FERMT3: variants seen among roughly 807,000 people sequenced by gnomAD.
FERMT3 encodes the protein FERM domain containing kindlin 3, also known as fermitin family homolog 3.
FERMT3 carries 33 observed loss-of-function variants against 80.8 expected under a neutral mutation model. The observed-to-expected ratio is 0.41, with a 90% CI of 0.31 to 0.55. FERMT3 has a LOEUF of 0.55. Ranked by LOEUF, FERMT3 falls within the 20% of genes least tolerant of loss-of-function variation. The probability of loss-of-function intolerance (pLI) is 0.31; values close to 1 mark genes in which losing one functional copy is unlikely to be tolerated. For missense variants in FERMT3, 754 were observed against 908.7 expected (o/e 0.83, Z 2.19); for synonymous variants, 375 against 372.2 (o/e 1.01, Z -0.09).
rs199626623 is a variant in FERMT3, at chr11:64,219,850, G to C, written c.1080-41G>C. ...GGGGTTGGTCTGCATATGGAGGGAG[G>C]GGGTGAGGCGGCCTTTCACAAACCC... On this transcript the variant is annotated intron_variant, in intron 9 of 14. Transcript: ENST00000345728. The surrounding 1 kb of genome is among the most constrained non-coding windows in gnomAD (Gnocchi z 4.0). The C allele has an allele frequency of 1.5e-3, 2,378 of 1,613,852 alleles. 3 individuals are homozygous for C. The highest frequency in any genetic ancestry group is 2.0e-3 in the South Asian group (185 of 91,084).
rs769161225 is a variant in FERMT3, at chr11:64,223,848, T to A, written c.*356T>A. 5 of 1,457,102 alleles carry A rather than the reference T, an allele frequency of 3.4e-6. No individual in the cohort carries two copies. Among genetic ancestry groups the A allele is most frequent in the Non-Finnish European group, 4.7e-6 (5 of 1,074,850 alleles). 90.3% of individuals were successfully genotyped at this position (1,457,102 alleles called of 1,614,324 possible). A position where few individuals can be genotyped will look rare whatever the true frequency, so the allele number is the denominator to read the frequency against. On this transcript the variant is annotated 3_prime_UTR_variant, in exon 15 of 15. Coordinates refer to ENST00000345728, the MANE Select transcript of FERMT3 (RefSeq NM_031471.6). ...AAACGAGTTCTTTCTTGTTACTTTTTAAAATTTCTTTTTTATAAATTAATA... is the reference window on the plus strand; with the variant it reads ...AAACGAGTTCTTTCTTGTTACTTTTAAAAATTTCTTTTTTATAAATTAATA...
intron 2 of FERMT3, among the ~76,000 whole-genome samples, chr11:64,208,177 T>G (rs1358592642): frequency 6.6e-6 from 1 of 152,054 alleles, no homozygotes; most frequent in Non-Finnish European, 1.5e-5. Context: ...GTGGGGAGGC[T>G]TCCTCAGACC....
At position 64,211,416 on chromosome 11, in the gene FERMT3, T is replaced by C; in HGVS notation, c.656T>C (p.Leu219Pro). Residue 219 changes from leucine to proline, a missense_variant, in exon 5 of 15, where the codon CTG (leucine) becomes CCG (proline). By Grantham distance (98) the Leu-to-Pro change is moderately conservative. Coordinates refer to ENST00000345728, the MANE Select transcript of FERMT3 (RefSeq NM_031471.6). This position sits in a 1 kb window ranked among gnomAD's most constrained non-coding sequence, Gnocchi z 4.7. ...CAGCGTCTGCCACGGCCCAGCTCCC[T>C]GTCAGACAAGACCCAGCTCCACAGC... ...LLQRLPRPSS[L>P]SDKTQLHSRW... The C allele has an allele frequency of 6.2e-7, 1 of 1,600,280 alleles. No homozygotes were observed. The highest frequency in any genetic ancestry group is 8.5e-7 in the Non-Finnish European group (1 of 1,175,360).
rs1946784373 is a variant in FERMT3 at position 64,223,802 on chromosome 11, A to G, written c.*310A>G. ...CACAAGGAAGACCAGATGTAGCTACAGGATGATGAAACATGGTTTCAAACG... is the reference window on the plus strand; with the variant it reads ...CACAAGGAAGACCAGATGTAGCTACGGGATGATGAAACATGGTTTCAAACG... On this transcript the variant is annotated 3_prime_UTR_variant, in exon 15 of 15. Transcript: ENST00000345728. The G allele has an allele frequency of 9.2e-7, 1 of 1,082,462 alleles. No individual in the cohort carries two copies. Among genetic ancestry groups the G allele is most frequent in the Non-Finnish European group, 1.3e-6 (1 of 744,836 alleles). 67.1% of individuals were successfully genotyped at this position (1,082,462 alleles called of 1,614,324 possible). A position where few individuals can be genotyped will look rare whatever the true frequency, so the allele number is the denominator to read the frequency against.
rs1001998299 is a variant in FERMT3 at position 64,211,511 on chromosome 11, C to G, written c.683+68C>G. 6.6e-7 allele frequency: 1 copy of G among 1,513,370 alleles called. No homozygotes were observed. The highest frequency in any genetic ancestry group is 1.4e-5 in the African/African-American group (1 of 70,110). The allele number at this position is 1,513,370 out of a possible 1,614,324, so 93.7% of individuals were successfully genotyped here. A position where few individuals can be genotyped will look rare whatever the true frequency, so the allele number is the denominator to read the frequency against. On this transcript the variant is annotated intron_variant, in intron 5 of 14. Coordinates refer to ENST00000345728, the MANE Select transcript of FERMT3 (RefSeq NM_031471.6). The surrounding 1 kb of genome is among the most constrained non-coding windows in gnomAD (Gnocchi z 4.7). ...CCAGGATCCACCCCCTGTCCCGTGT[C>G]TGTGCCCACCCCAGATCCACACTTC...
chr11:64,220,153 T>G, intron 10 of FERMT3, 67 bp from the exon 11 acceptor site: 2 of 1,570,980 alleles, frequency 1.3e-6, no homozygotes, highest in Admixed American at 1.7e-5. Context: ...TGGGCTAGGA[T>G]GCACTCCAGG....
chr11:64,212,329 T>C (rs1432223943), intron 6 of FERMT3, among the ~76,000 whole-genome samples: 1 of 152,248 alleles, frequency 6.6e-6, no homozygotes, highest in Non-Finnish European at 1.5e-5. Flanking sequence ...TTTCTACCTG[T>C]AGGCCCCACC....
chr11:64,216,688 T>A (rs535335128), intron 6 of FERMT3, among the ~76,000 whole-genome samples: 69 of 147,440 alleles, frequency 4.7e-4, no homozygotes, highest in African/African-American at 1.7e-3. Context: ...CCCAGCTACT[T>A]GGGAGGCTGA....
intron 6 of FERMT3, among the ~76,000 whole-genome samples, chr11:64,213,817 C>T (rs1038844472): frequency 2.0e-5 from 3 of 152,172 alleles, no homozygotes; most frequent in Admixed American, 6.6e-5. Context: ...CCACTTTGGC[C>T]TCCCAAAGTG....
chr11:64,221,250 A>C (rs1305864178), intron 13 of FERMT3, 110 bp downstream of exon 13: 1 of 1,113,732 alleles, frequency 9.0e-7, no homozygotes, highest in East Asian at 2.5e-5. Flanking sequence ...CACCCCAAAG[A>C]CTCCCTTCCC....
At position 64,223,103 on chromosome 11, in the gene FERMT3, C is replaced by T. The variant is rs775250461; in HGVS notation, c.1726C>T (p.Arg576Cys). 4.3e-6 allele frequency: 7 copies of T among 1,613,820 alleles called. No homozygotes were observed. The highest frequency in any genetic ancestry group is 5.1e-6 in the Non-Finnish European group (6 of 1,180,046). The change falls in exon 14 of 15, where the codon CGC (arginine) becomes TGC (cysteine). Residue 576 changes from arginine to cysteine, a missense_variant. Transcript: ENST00000345728. Reference protein sequence around the residue: ...ILGIANNRLIRIDLAVGDVVK... With the variant: ...ILGIANNRLICIDLAVGDVVK... Reference sequence around the variant, plus strand: ...GGGCATCGCCAACAACCGACTGATCCGCATCGACTTGGCCGTGGGCGACGT... The same window carrying T: ...GGGCATCGCCAACAACCGACTGATCTGCATCGACTTGGCCGTGGGCGACGT...
In FERMT3 at chr11:64,219,459, C is replaced by T; in HGVS notation, c.895-65C>T. ...GGGGGCTACCTCCAGGGAAGCCCGG[C>T]CTGGGGGTACTGCTAGGGGACCAGG... On this transcript the variant is annotated intron_variant, in intron 7 of 14. Coordinates refer to ENST00000345728, the MANE Select transcript of FERMT3 (RefSeq NM_031471.6). The surrounding 1 kb of genome is among the most constrained non-coding windows in gnomAD (Gnocchi z 4.0). 1 of 1,560,426 alleles carries T rather than the reference C, an allele frequency of 6.4e-7. No individual in the cohort carries two copies. Among genetic ancestry groups the T allele is most frequent in the Non-Finnish European group, 8.7e-7 (1 of 1,153,114 alleles).
Position 64,223,689 on chromosome 11 carries a change from G to T in FERMT3, c.*197G>T. On this transcript the variant is annotated 3_prime_UTR_variant, in exon 15 of 15. Coordinates refer to ENST00000345728, the MANE Select transcript of FERMT3 (RefSeq NM_031471.6). ...ACCATCACCCAGGCCAGGGATGGGG[G>T]TGGGGGTCCCTGAGCTCATGTGGTG... The T allele has an allele frequency of 1.3e-6, 1 of 797,826 alleles. No individual in the cohort carries two copies. Among genetic ancestry groups the T allele is most frequent in the Non-Finnish European group, 2.0e-6 (1 of 502,660 alleles). 49.4% of individuals were successfully genotyped at this position (797,826 alleles called of 1,614,324 possible).
intron 2 of FERMT3, among the ~76,000 whole-genome samples, chr11:64,208,838 GC>G (rs1238782238): frequency 2.6e-5 from 4 of 152,178 alleles, no homozygotes; most frequent in Non-Finnish European, 5.9e-5. Context: ...GCTCTGCATG[GC>G]CCCGAAGGCC....
chr11:64,216,191 G>A (rs1246540439), intron 6 of FERMT3, among the ~76,000 whole-genome samples: 3 of 144,426 alleles, frequency 2.1e-5, no homozygotes, highest in Non-Finnish European at 4.5e-5. Context: ...CTTTAGCTCT[G>A]TAAGGATTTT....
rs765844365 is a variant in FERMT3 at position 64,223,416 on chromosome 11, C to T, written c.1916C>T (p.Thr639Met). The T allele has an allele frequency of 1.3e-5, 21 of 1,613,520 alleles. No homozygotes were observed. The highest frequency in any genetic ancestry group is 3.3e-5 in the Admixed American group (2 of 60,006). The change falls in exon 15 of 15, where the codon ACG (threonine) becomes ATG (methionine). Residue 639 changes from threonine to methionine, a missense_variant. Physicochemically the swap from Thr to Met is moderately conservative, Grantham distance 81. Transcript: ENST00000345728. The part of the protein sequence containing the change: ...EYIGGYIFLS[T>M]RERARGEELD... ...ATCGGGGGCTACATTTTCCTGTCGA[C>T]GCGGGAGCGGGCCCGTGGGGAGGAG... is the stretch of plus-strand genomic sequence containing the variant.
At position 64,219,260 on chromosome 11, in the gene FERMT3, G is replaced by T. The variant is rs907338238; in HGVS notation, c.796G>T (p.Val266Leu). 1.0e-5 allele frequency: 16 copies of T among 1,596,728 alleles called. No homozygotes were observed. The highest frequency in any genetic ancestry group is 1.3e-5 in the Non-Finnish European group (15 of 1,172,298). ...FFDLDPKTDP[V>L]RLTQLYEQAR... ...TCTCCCCCCGCTCCAGACAGACCCC[G>T]TGCGGCTGACACAGCTGTATGAGCA... The change falls in exon 7 of 15, where the codon GTG (valine) becomes TTG (leucine). Residue 266 changes from valine to leucine, a missense_variant. Transcript: ENST00000345728. This position sits in a 1 kb window ranked among gnomAD's most constrained non-coding sequence, Gnocchi z 4.0.
At chr11:64,213,853 C>T (rs536432974) in intron 6 of FERMT3, among the ~76,000 whole-genome samples, 43 of 152,126 alleles carry the variant, frequency 2.8e-4, no homozygotes, top group Admixed American at 1.4e-3. Flanking sequence ...TGAGCCACGG[C>T]GTCGGGCCAG....
At chr11:64,215,050 T>G (rs1473755255) in intron 6 of FERMT3, among the ~76,000 whole-genome samples, 3 of 152,146 alleles carry the variant, frequency 2.0e-5, no homozygotes, top group Non-Finnish European at 4.4e-5. Flanking sequence ...CCTCAGGTGA[T>G]CCACCTGCCT....
Sources: gnomAD v4.1 joint callset for allele counts (sites outside exome capture counted in the v4.1 genomes callset) on GRCh38, gnomAD v4.1.1 for gene constraint, Gnocchi (gnomAD v3.1) non-coding constraint, MANE v1.5 for transcripts, NCBI Gene and HGNC (gene_info 2026-07-23, HGNC 2026-07-21) for gene names.